The following GABBR2 variants were observed in gnomAD, a reference collection of about 807,000 sequenced individuals.
The protein encoded by GABBR2 is gamma-aminobutyric acid type B receptor subunit 2, also known as G-protein coupled receptor 51.
In GABBR2, 23 loss-of-function variants were observed where a neutral mutation model predicts 105.6. That is an observed-to-expected ratio of 0.22 (90% CI 0.16 to 0.31). The LOEUF (loss-of-function observed/expected upper bound fraction) is 0.31. Ranked by LOEUF, GABBR2 falls within the 10% of genes least tolerant of loss-of-function variation. The pLI is 1.00. For missense variants in GABBR2, 734 were observed against 1,245.5 expected (o/e 0.59, Z 6.18); for synonymous variants, 478 against 499.7 (o/e 0.96, Z 0.58).
intron 4 of GABBR2, among the ~76,000 whole-genome samples, chr9:98,482,264 T>C (rs1316463105): frequency 6.6e-6 from 1 of 152,248 alleles, no homozygotes; most frequent in East Asian, 1.9e-4. Context: ...TTACTCATCA[T>C]GTACTTTAGC....
intron 12 of GABBR2, among the ~76,000 whole-genome samples, chr9:98,368,860 G>C (rs1464591139): frequency 6.6e-6 from 1 of 152,154 alleles, no homozygotes; most frequent in South Asian, 2.1e-4. Context: ...CCAGGGATGG[G>C]GAAAACACAG....
chr9:98,452,592 A>G (rs1251841617), intron 7 of GABBR2, among the ~76,000 whole-genome samples: 2 of 152,240 alleles, frequency 1.3e-5, no homozygotes, highest in Admixed American at 1.3e-4. Context: ...AATAGAATTT[A>G]TTGAGTGCCT....
chr9:98,482,339 G>A (rs1826942428), intron 4 of GABBR2, among the ~76,000 whole-genome samples: 1 of 152,002 alleles, frequency 6.6e-6, no homozygotes, highest in Non-Finnish European at 1.5e-5. Flanking sequence ...AAAGAAGAGG[G>A]GAAAAAAAAC....
At chr9:98,686,676 C>T (rs1184180483) in intron 1 of GABBR2, among the ~76,000 whole-genome samples, 1 of 151,998 alleles carries the variant, frequency 6.6e-6, no homozygotes, top group Non-Finnish European at 1.5e-5. Context: ...GATTACAGGC[C>T]TGAGCCACTG....
intron 1 of GABBR2, chr9:98,608,070 A>C: frequency 7.6e-7 from 1 of 1,314,022 alleles, no homozygotes; most frequent in Non-Finnish European, 1.1e-6. Flanking sequence ...TCAACAACGT[A>C]TTTTAGAACA....
chr9:98,459,297 G>T (rs1826382451), intron 6 of GABBR2, among the ~76,000 whole-genome samples: 1 of 152,064 alleles, frequency 6.6e-6, no homozygotes. Context: ...GCTATTCAAA[G>T]ACATCAGAAA....
intron 11 of GABBR2, among the ~76,000 whole-genome samples, chr9:98,378,571 C>T (rs186832077): frequency 2.0e-5 from 3 of 152,302 alleles, no homozygotes; most frequent in Admixed American, 1.3e-4. Flanking sequence ...CTTCCAAGTG[C>T]GGTCTGGGGA....
intron 8 of GABBR2, among the ~76,000 whole-genome samples, chr9:98,403,999 C>T (rs1485739758): frequency 6.6e-6 from 1 of 151,882 alleles, no homozygotes; most frequent in African/African-American, 2.4e-5. Flanking sequence ...GTTTGCTGTA[C>T]TGCCTTCCTT....
chr9:98,417,576 A>T (rs1369511922), intron 7 of GABBR2, among the ~76,000 whole-genome samples: 2 of 152,152 alleles, frequency 1.3e-5, no homozygotes, highest in Non-Finnish European at 1.5e-5. Context: ...TCTGGGCCCC[A>T]GTTTCCTCAT....
chr9:98,666,457 T>C (rs985001718), intron 1 of GABBR2, among the ~76,000 whole-genome samples: 1 of 152,222 alleles, frequency 6.6e-6, no homozygotes, highest in African/African-American at 2.4e-5. Flanking sequence ...ACTGTCATCA[T>C]GGAACTATTT....
At chr9:98,308,950 T>A (rs1309820966) in intron 14 of GABBR2, among the ~76,000 whole-genome samples, 1 of 152,034 alleles carries the variant, frequency 6.6e-6, no homozygotes, top group Non-Finnish European at 1.5e-5. Context: ...AGTTAGTCAA[T>A]GAATGCTTTG....
At chr9:98,486,551 T>C (rs1827054622) in intron 4 of GABBR2, among the ~76,000 whole-genome samples, 1 of 152,152 alleles carries the variant, frequency 6.6e-6, no homozygotes, top group Non-Finnish European at 1.5e-5. Flanking sequence ...TTGTCTGGAA[T>C]CTCCTGCCAC....
chr9:98,296,721 G>A (rs1205302883), intron 17 of GABBR2, among the ~76,000 whole-genome samples: 1 of 151,908 alleles, frequency 6.6e-6, no homozygotes, highest in African/African-American at 2.4e-5. Context: ...TTGAGATGTT[G>A]GTCTTTTTCT....
At position 98,651,875 on chromosome 9, in the gene GABBR2, A is replaced by T. The variant is rs10987250; in HGVS notation, c.321+56542T>A. ...CTGACTGGATTTTTTTATATTAAAG[A>T]ATTAATGTTGATTTTTTAAAAGGTG... On this transcript the variant is annotated intron_variant, in intron 1 of 18. Coordinates refer to ENST00000259455, the MANE Select transcript of GABBR2 (RefSeq NM_005458.8). Among the ~76,000 whole-genome samples the T allele has an allele frequency of 4.7e-3, 717 of 152,344 alleles. 2 individuals are homozygous for T. Among genetic ancestry groups the T allele is most frequent in the Non-Finnish European group, 8.2e-3 (557 of 68,024 alleles).
chr9:98,514,476 A>T (rs550709694), intron 3 of GABBR2, among the ~76,000 whole-genome samples: 61 of 150,476 alleles, frequency 4.1e-4, no homozygotes, highest in African/African-American at 1.5e-3. Context: ...GCCATAAAAA[A>T]TGATGAGTTC....
At chr9:98,455,075 G>C (rs1457568769) in intron 6 of GABBR2, among the ~76,000 whole-genome samples, 11 of 152,170 alleles carry the variant, frequency 7.2e-5, no homozygotes. Flanking sequence ...AGTTGCTCAG[G>C]TGTCAGGCAG....
At chr9:98,675,800 A>G (rs1830469923) in intron 1 of GABBR2, among the ~76,000 whole-genome samples, 1 of 152,132 alleles carries the variant, frequency 6.6e-6, no homozygotes, top group South Asian at 2.1e-4. Flanking sequence ...GGTTGAACCA[A>G]TGAAGTTCAG....
At chr9:98,623,979 A>G (rs987181643) in intron 1 of GABBR2, among the ~76,000 whole-genome samples, 4 of 152,174 alleles carry the variant, frequency 2.6e-5, no homozygotes, top group South Asian at 4.1e-4. Flanking sequence ...CAGGTCTCAC[A>G]TGGGGCAAGT....
At chr9:98,555,633 G>A (rs186878049) in intron 2 of GABBR2, 16 of 152,310 alleles carry the variant, frequency 1.1e-4, no homozygotes, top group Admixed American at 8.5e-4. Flanking sequence ...CAGCTGTGAA[G>A]CCAACCGCCT....
Sources: gnomAD v4.1 joint callset for allele counts (sites outside exome capture counted in the v4.1 genomes callset) on GRCh38, gnomAD v4.1.1 for gene constraint, MANE v1.5 for transcripts, NCBI Gene and HGNC (gene_info 2026-07-23, HGNC 2026-07-21) for gene names.